Variants in ZNF407 observed in about 807,000 individuals in gnomAD.
ZNF407 encodes the protein zinc finger protein 407.
A neutral mutation model predicts 131.2 loss-of-function variants in ZNF407; 17 were observed. The observed-to-expected ratio is 0.13, with a 90% CI of 0.09 to 0.19. ZNF407 has a LOEUF of 0.19. ZNF407 is among the 10% of genes least tolerant of loss of function. The pLI is 1.00. For missense variants in ZNF407, 2,681 were observed against 2,830.6 expected, an observed-to-expected ratio of 0.95 and a Z score of 1.20; for synonymous variants, 1,156 against 1,062.0, an observed-to-expected ratio of 1.09 and a Z score of -1.72.
chr18:74,997,624 C>T (rs1419554380), intron 8 of ZNF407, among the ~76,000 whole-genome samples: 1 of 152,150 alleles, frequency 6.6e-6, no homozygotes, highest in Non-Finnish European at 1.5e-5. Flanking sequence ...AAAATCACCC[C>T]TCTGCACTTT....
Position 74,703,621 on chromosome 18 carries a change from C to G in ZNF407, c.4802+62499C>G, listed in dbSNP as rs1349738740. On this transcript the variant is annotated intron_variant, in intron 3 of 8. Transcript: ENST00000299687. The surrounding 1 kb of genome is among the most constrained non-coding windows in gnomAD (Gnocchi z 4.1). The stretch of plus-strand genomic sequence containing the variant: ...CCTCAGGTGATCTGCCCTCCTCGGC[C>G]TCCCAAAGTGCTGGGATTACAGTTG... Among the ~76,000 whole-genome samples, 1 of 152,152 alleles carries G rather than the reference C, an allele frequency of 6.6e-6. No homozygotes were observed. Among genetic ancestry groups the G allele is most frequent in the Non-Finnish European group, 1.5e-5 (1 of 68,030 alleles).
At chr18:74,624,000 T>C (rs1182711856) in intron 1 of ZNF407, among the ~76,000 whole-genome samples, 2 of 152,168 alleles carry the variant, frequency 1.3e-5, no homozygotes, top group Non-Finnish European at 1.5e-5. Context: ...ATTATTTTAG[T>C]CTAGATACTT....
intron 3 of ZNF407, among the ~76,000 whole-genome samples, chr18:74,723,224 G>A (rs1353683947): frequency 6.6e-6 from 1 of 151,880 alleles, no homozygotes; most frequent in East Asian, 1.9e-4. Flanking sequence ...AACTTCATTA[G>A]CTATGATTAT....
At chr18:74,611,261 A>G (rs992691104) in intron 1 of ZNF407, among the ~76,000 whole-genome samples, 6 of 152,256 alleles carry the variant, frequency 3.9e-5, no homozygotes, top group African/African-American at 1.4e-4. Flanking sequence ...GGTGCAGACC[A>G]TAAAGGAAAA....
At position 75,063,542 on chromosome 18, in the gene ZNF407, G is replaced by C; in HGVS notation, c.5821G>C (p.Val1941Leu). ...GCAGCTGGCTGATGGAGCCACCCAGGTGGTCGTCGTGGGGGGCTCCATGGA... is the reference window on the plus strand; with the variant it reads ...GCAGCTGGCTGATGGAGCCACCCAGCTGGTCGTCGTGGGGGGCTCCATGGA... ...PEQLADGATQ[V>L]VVVGGSMEGH... Residue 1941 changes from valine (V) to leucine (L), a missense_variant, in exon 9 of 9, where the codon GTG (valine) becomes CTG (leucine). Val to Leu is a conservative substitution (Grantham distance 32, BLOSUM62 1). This residue lies in a region of ZNF407 where 620 missense variants were observed against 583.1 expected (regional missense o/e 1.06). Transcript: ENST00000299687. The surrounding 1 kb of genome is among the most constrained non-coding windows in gnomAD (Gnocchi z 6.6). 6.4e-7 allele frequency: 1 copy of C among 1,568,538 alleles called. No individual in the cohort carries two copies. Among genetic ancestry groups the C allele is most frequent in the South Asian group, 1.2e-5 (1 of 85,678 alleles).
intron 8 of ZNF407, among the ~76,000 whole-genome samples, chr18:74,929,185 C>T (rs531746583): frequency 6.6e-6 from 1 of 152,172 alleles, no homozygotes; most frequent in Non-Finnish European, 1.5e-5. Flanking sequence ...AAACTATATT[C>T]TCCCCTTCCT....
At chr18:75,062,773 AACTTT>A (rs755573712) in intron 8 of ZNF407, 123 of 175,182 alleles carry the variant, frequency 7.0e-4, no homozygotes, top group Middle Eastern at 4.9e-3. Context: ...CTGTTTGCTG[AACTTT>A]ACTTAGCACC....
chr18:74,622,710 T>C (rs1056504452), intron 1 of ZNF407, among the ~76,000 whole-genome samples: 17 of 149,680 alleles, frequency 1.1e-4, no homozygotes, highest in South Asian at 4.3e-4. Flanking sequence ...ATGGGTTCTT[T>C]ATGGCATCAC....
chr18:75,003,446 G>C (rs1000206925), intron 8 of ZNF407, among the ~76,000 whole-genome samples: 1 of 152,114 alleles, frequency 6.6e-6, no homozygotes, highest in Non-Finnish European at 1.5e-5. Flanking sequence ...ATAGGGTTTA[G>C]GATTTGTTTC....
chr18:74,708,774 G>A (rs1474420316), intron 3 of ZNF407, among the ~76,000 whole-genome samples: 2 of 152,220 alleles, frequency 1.3e-5, no homozygotes, highest in East Asian at 3.9e-4. Context: ...GGCTTGATTG[G>A]TGAGGATTTA....
intron 3 of ZNF407, among the ~76,000 whole-genome samples, chr18:74,704,260 C>A (rs1303174139): frequency 2.0e-5 from 3 of 152,200 alleles, no homozygotes; most frequent in African/African-American, 4.8e-5. Flanking sequence ...TTCAGTAATT[C>A]TTCGAAGCAT....
intron 3 of ZNF407, among the ~76,000 whole-genome samples, chr18:74,725,844 A>G (rs962255219): frequency 3.2e-4 from 48 of 152,234 alleles, no homozygotes; most frequent in Admixed American, 2.6e-3. Context: ...TTAAAACACG[A>G]TAGTCACACA....
In ZNF407 at chr18:74,633,684, G is replaced by A. The variant is rs777832554; in HGVS notation, c.2665G>A (p.Val889Ile). The A allele has an allele frequency of 6.2e-7, 1 of 1,613,946 alleles. No individual in the cohort carries two copies. The highest frequency in any genetic ancestry group is 1.3e-5 in the African/African-American group (1 of 75,038). Residue 889 changes from valine to isoleucine, a missense_variant, in exon 2 of 9, where the codon GTA becomes ATA. Around this residue, in one of 6 missense-constraint regions of ZNF407, gnomAD observed 1,789 missense variants for 1,748.7 expected, o/e 1.02. Transcript: ENST00000299687. ...YLCKVCKYYT[V>I]TKGDMERHCA... The stretch of plus-strand genomic sequence containing the variant: ...ATGCAAAGTGTGTAAGTATTACACT[G>A]TAACTAAGGGAGATATGGAACGTCA...
intron 8 of ZNF407, among the ~76,000 whole-genome samples, chr18:75,013,057 C>T (rs1973000854): frequency 6.6e-6 from 1 of 151,662 alleles, no homozygotes; most frequent in South Asian, 2.1e-4. Flanking sequence ...GCCTGATGCC[C>T]ATAGAGTTTG....
At chr18:74,732,606 G>A (rs1302066087) in intron 3 of ZNF407, among the ~76,000 whole-genome samples, 1 of 152,086 alleles carries the variant, frequency 6.6e-6, no homozygotes, top group African/African-American at 2.4e-5. Flanking sequence ...GCCCTTCAGT[G>A]GATAACCAGG....
At chr18:75,001,126 G>C (rs529585580) in intron 8 of ZNF407, among the ~76,000 whole-genome samples, 1 of 152,264 alleles carries the variant, frequency 6.6e-6, no homozygotes, top group East Asian at 1.9e-4. Flanking sequence ...CCCAGCCTCC[G>C]CAGTGTTTGT....
At chr18:74,803,070 GTTCCAGGGTGGTAGCTAATGAGAGCT>G (rs1418532509) in intron 4 of ZNF407, among the ~76,000 whole-genome samples, 20 of 152,184 alleles carry the variant, frequency 1.3e-4, no homozygotes, top group African/African-American at 4.6e-4. Flanking sequence ...CATTCTGACT[GTTCCAGGGTGGTAGCTAATGAGAGCT>G]AAGTCCAGCG....
At chr18:74,950,838 C>G (rs1376449770) in intron 8 of ZNF407, among the ~76,000 whole-genome samples, 1 of 152,198 alleles carries the variant, frequency 6.6e-6, no homozygotes, top group Non-Finnish European at 1.5e-5. Context: ...GGTTTTCATA[C>G]TTTTAACAGG....
At chr18:74,983,662 G>A (rs139676461) in intron 8 of ZNF407, among the ~76,000 whole-genome samples, 12 of 152,318 alleles carry the variant, frequency 7.9e-5, no homozygotes, top group African/African-American at 2.4e-4. Context: ...TACAAACATA[G>A]CAATTAGAAG....
Sources: allele counts gnomAD v4.1 joint callset (sites outside exome capture counted in the v4.1 genomes callset), GRCh38; gene constraint gnomAD v4.1.1; regional missense constraint gnomAD v4.1.1; non-coding constraint Gnocchi (gnomAD v3.1); transcripts MANE v1.5; gene names NCBI Gene and HGNC (gene_info 2026-07-23, HGNC 2026-07-21).